PCED1B: variants seen among roughly 807,000 people sequenced by gnomAD.
PCED1B encodes PC-esterase domain containing 1B.
For synonymous variants in PCED1B, 251 were observed against 246.1 expected, an observed-to-expected ratio of 1.02 and a Z score of -0.19; for missense variants, 573 against 573.9, an observed-to-expected ratio of 1.00 and a Z score of 0.02.
intron 3 of PCED1B, among the ~76,000 whole-genome samples, chr12:47,226,454 A>G (rs1330376791): frequency 6.6e-6 from 1 of 151,562 alleles, no homozygotes; most frequent in Non-Finnish European, 1.5e-5. Flanking sequence ...GCTCACTGCA[A>G]CCTCCGCCTC....
At chr12:47,173,053 A>G (rs1390582974) in intron 2 of PCED1B, among the ~76,000 whole-genome samples, 2 of 152,166 alleles carry the variant, frequency 1.3e-5, no homozygotes, top group Non-Finnish European at 2.9e-5. Flanking sequence ...GAAACTCAAG[A>G]TTTCCTTCAC....
At chr12:47,230,243 C>T (rs530351423) in intron 3 of PCED1B, among the ~76,000 whole-genome samples, 162 of 150,432 alleles carry the variant, frequency 1.1e-3, no homozygotes, top group African/African-American at 3.7e-3. Context: ...AGCCACCACG[C>T]CCTGCTAATT....
intron 2 of PCED1B, chr12:47,208,841 A>T (rs1421203219): frequency 2.0e-5 from 3 of 152,184 alleles, no homozygotes; most frequent in Non-Finnish European, 4.4e-5. Context: ...GGCCGGGTGC[A>T]GTGGTTCATG....
chr12:47,083,312 T>A (rs375453888), intron 1 of PCED1B, among the ~76,000 whole-genome samples: 3 of 152,136 alleles, frequency 2.0e-5, no homozygotes, highest in African/African-American at 7.2e-5. Flanking sequence ...GTGGAATTTA[T>A]ACACTGGCAG....
At chr12:47,219,452 T>A (rs1432341330) in intron 3 of PCED1B, among the ~76,000 whole-genome samples, 2 of 152,214 alleles carry the variant, frequency 1.3e-5, no homozygotes, top group African/African-American at 2.4e-5. Flanking sequence ...ATTGTCACAA[T>A]CCAACCTGTT....
At chr12:47,185,684 G>A (rs906960507) in intron 2 of PCED1B, among the ~76,000 whole-genome samples, 2 of 151,842 alleles carry the variant, frequency 1.3e-5, no homozygotes, top group Non-Finnish European at 2.9e-5. Context: ...AACTATGCAG[G>A]AGGCTGAGGC....
chr12:47,095,679 G>T (rs1354425604), intron 1 of PCED1B, among the ~76,000 whole-genome samples: 1 of 152,060 alleles, frequency 6.6e-6, no homozygotes, highest in Non-Finnish European at 1.5e-5. Context: ...ATTATGCTGT[G>T]TGTCATCTGC....
intron 1 of PCED1B, among the ~76,000 whole-genome samples, chr12:47,082,704 G>A (rs1249675068): frequency 6.6e-6 from 1 of 152,022 alleles, no homozygotes; most frequent in Non-Finnish European, 1.5e-5. Context: ...TAACCCAGAT[G>A]GTAAACAACT....
At chr12:47,224,698 G>A (rs375514840) in intron 3 of PCED1B, among the ~76,000 whole-genome samples, 17 of 152,288 alleles carry the variant, frequency 1.1e-4, no homozygotes, top group Admixed American at 4.6e-4. Context: ...GCTATATGGC[G>A]TGGTTTCATG....
At chr12:47,176,206 T>C (rs893189942) in intron 2 of PCED1B, among the ~76,000 whole-genome samples, 96 of 152,208 alleles carry the variant, frequency 6.3e-4, no homozygotes, top group African/African-American at 2.0e-3. Context: ...TTATCCTCAA[T>C]TCCTGGCACA....
chr12:47,084,868 G>C (rs1937903594), intron 1 of PCED1B, among the ~76,000 whole-genome samples: 1 of 152,216 alleles, frequency 6.6e-6, no homozygotes, highest in Admixed American at 6.5e-5. Context: ...GGGATCGGTG[G>C]CTCATGCCTG....
At chr12:47,137,358 G>A (rs546120732) in intron 2 of PCED1B, among the ~76,000 whole-genome samples, 1 of 152,116 alleles carries the variant, frequency 6.6e-6, no homozygotes, top group East Asian at 1.9e-4. Context: ...CAAATCCAAG[G>A]CAATCCTTTG....
intron 2 of PCED1B, among the ~76,000 whole-genome samples, chr12:47,127,199 AT>A (rs1939922188): frequency 1.3e-5 from 2 of 152,090 alleles, no homozygotes; most frequent in Non-Finnish European, 2.9e-5. Context: ...TTTGATACAC[AT>A]TTACATTCAG....
intron 2 of PCED1B, among the ~76,000 whole-genome samples, chr12:47,202,289 A>C (rs1942786155): frequency 6.6e-6 from 1 of 152,224 alleles, no homozygotes; most frequent in Non-Finnish European, 1.5e-5. Context: ...AAAAGTCTGG[A>C]AAATTATGTC....
chr12:47,188,900 T>G (rs1234004864), intron 2 of PCED1B, among the ~76,000 whole-genome samples: 2 of 152,212 alleles, frequency 1.3e-5, no homozygotes, highest in Admixed American at 6.5e-5. Context: ...GCCAGACTCC[T>G]GTTGCTTCTT....
chr12:47,152,958 T>G (rs1028305368), intron 2 of PCED1B, among the ~76,000 whole-genome samples: 4 of 151,556 alleles, frequency 2.6e-5, no homozygotes, highest in Admixed American at 6.6e-5. Context: ...AAAATAACAT[T>G]AGGCTGACAG....
chr12:47,227,586 G>A (rs1050463763), intron 3 of PCED1B, among the ~76,000 whole-genome samples: 1 of 151,988 alleles, frequency 6.6e-6, no homozygotes. Context: ...AGGCACAGTG[G>A]TTCACGCCTG....
chr12:47,145,804 C>A (rs1940761867), intron 2 of PCED1B, among the ~76,000 whole-genome samples: 2 of 152,180 alleles, frequency 1.3e-5, no homozygotes, highest in African/African-American at 4.8e-5. Flanking sequence ...CACTCAAAAG[C>A]TCTGATGGAG....
At chr12:47,172,785 G>C (rs1941793858) in intron 2 of PCED1B, among the ~76,000 whole-genome samples, 1 of 152,122 alleles carries the variant, frequency 6.6e-6, no homozygotes, top group South Asian at 2.1e-4. Flanking sequence ...TTTCCTAGTG[G>C]TATTGTGTTG....
Sources: gnomAD v4.1 joint callset for allele counts (sites outside exome capture counted in the v4.1 genomes callset) on GRCh38, gnomAD v4.1.1 for gene constraint, MANE v1.5 for transcripts, NCBI Gene and HGNC (gene_info 2026-07-23, HGNC 2026-07-21) for gene names.